Variants in PIAS1 observed in about 807,000 individuals in gnomAD.
The protein encoded by PIAS1 is E3 SUMO-protein ligase PIAS1.
A neutral mutation model predicts 71.3 loss-of-function variants in PIAS1; 6 were observed. The ratio of observed to expected loss-of-function variants is 0.08; its 90% CI spans 0.05 to 0.17. The LOEUF is 0.17. Among genes scored for constraint, PIAS1 ranks in the 10% least tolerant of loss-of-function variants. The pLI, the probability that PIAS1 is intolerant of heterozygous loss-of-function variation, is 1.00. For synonymous variants in PIAS1, 303 were observed against 292.9 expected (o/e 1.03, Z -0.35); for missense variants, 555 against 793.6 (o/e 0.70, Z 3.61).
rs1459387937 is a variant in PIAS1 at position 68,188,077 on chromosome 15, GAAAGA to G, written c.*251_*255del. The G allele has an allele frequency of 3.5e-6, 1 of 289,206 alleles. No homozygotes were observed. Among genetic ancestry groups the G allele is most frequent in the East Asian group, 5.6e-5 (1 of 18,016 alleles). 17.9% of individuals were successfully genotyped at this position (289,206 alleles called of 1,614,324 possible). A position where few individuals can be genotyped will look rare whatever the true frequency, so the allele number is the denominator to read the frequency against. The stretch of plus-strand genomic sequence containing the variant: ...AAAACACTTGTTTAAAAAAAAAAAG[GAAAGA>G]AAAGAAAAAAGAAAAACAAGCACCC... On this transcript the variant is annotated 3_prime_UTR_variant, in exon 14 of 14. Coordinates refer to ENST00000249636, the MANE Select transcript of PIAS1 (RefSeq NM_016166.3).
intron 2 of PIAS1, among the ~76,000 whole-genome samples, chr15:68,130,941 C>T (rs1169295579): frequency 6.6e-6 from 1 of 151,950 alleles, no homozygotes; most frequent in African/African-American, 2.4e-5. Context: ...CTGTTATAAG[C>T]GGTTTTATAT....
At chr15:68,163,384 A>G (rs1446584551) in intron 7 of PIAS1, among the ~76,000 whole-genome samples, 4 of 152,204 alleles carry the variant, frequency 2.6e-5, no homozygotes, top group African/African-American at 9.6e-5. Context: ...TGTGAAATAT[A>G]TTAAGACTTT....
Position 68,186,921 on chromosome 15 carries a change from C to T in PIAS1, c.1663-621C>T, listed in dbSNP as rs2176333. Reference sequence around the variant, plus strand: ...TGTGATGTTTGCACAGCCACAAAACCGCCTAATGATGCATTTCTCAAAACA... The same window carrying T: ...TGTGATGTTTGCACAGCCACAAAACTGCCTAATGATGCATTTCTCAAAACA... On this transcript the variant is annotated intron_variant, in intron 13 of 13. Transcript: ENST00000249636. This position sits in a 1 kb window ranked among gnomAD's most constrained non-coding sequence, Gnocchi z 4.4. Among the ~76,000 whole-genome samples the T allele has an allele frequency of 0.4, 61,114 of 152,122 alleles. 13,514 individuals are homozygous for T. Among genetic ancestry groups the T allele is most frequent in the East Asian group, 0.79 (4,109 of 5,182 alleles).
intron 2 of PIAS1, among the ~76,000 whole-genome samples, chr15:68,112,178 G>C (rs1309422695): frequency 6.6e-6 from 1 of 152,044 alleles, no homozygotes; most frequent in East Asian, 1.9e-4. Context: ...TCTGGTATCT[G>C]TACTGAGACC....
intron 2 of PIAS1, among the ~76,000 whole-genome samples, chr15:68,138,996 A>G (rs1595758740): frequency 6.6e-6 from 1 of 152,222 alleles, no homozygotes; most frequent in Admixed American, 6.5e-5. Context: ...TTACGGCCTC[A>G]TATATTTTGA....
rs770198322 is a variant in PIAS1, at chr15:68,086,312, G to A, written c.31G>A (p.Val11Ile). 1.4e-5 allele frequency: 22 copies of A among 1,594,594 alleles called. No individual in the cohort carries two copies. Among genetic ancestry groups the A allele is most frequent in the Admixed American group, 3.5e-5 (2 of 56,616 alleles). Reference sequence around the variant, plus strand: ...ATTTTGTTTTTTCTCTAAGCAAATGGTTATGAGCCTTAGAGTTTCTGAACT... The same window carrying A: ...ATTTTGTTTTTTCTCTAAGCAAATGATTATGAGCCTTAGAGTTTCTGAACT... Reference protein sequence around the residue: MADSAELKQMVMSLRVSELQV... With the variant: MADSAELKQMIMSLRVSELQV... The change falls in exon 2 of 14, where the codon GTT (valine) becomes ATT (isoleucine). Residue 11 changes from valine (V) to isoleucine (I), a missense_variant. Coordinates refer to ENST00000249636, the MANE Select transcript of PIAS1 (RefSeq NM_016166.3). This position sits in a 1 kb window ranked among gnomAD's most constrained non-coding sequence, Gnocchi z 7.2.
intron 2 of PIAS1, among the ~76,000 whole-genome samples, chr15:68,129,794 TACAC>T (rs67860159): frequency 0.16 from 23,469 of 144,872 alleles, 2,127 homozygotes; most frequent in East Asian, 0.26. Flanking sequence ...TAATTGTATT[TACAC>T]ACACACACAC....
In PIAS1 at chr15:68,189,472, C is replaced by T. The variant is rs2093108378; in HGVS notation, c.*1637C>T. 1.3e-5 allele frequency: 2 copies of T among 152,150 alleles called. No individual in the cohort carries two copies. Among genetic ancestry groups the T allele is most frequent in the South Asian group, 4.1e-4 (2 of 4,834 alleles). 9.4% of individuals were successfully genotyped at this position (152,150 alleles called of 1,614,324 possible). A position where few individuals can be genotyped will look rare whatever the true frequency, so the allele number is the denominator to read the frequency against. On this transcript the variant is annotated 3_prime_UTR_variant, in exon 14 of 14. Transcript: ENST00000249636. ...CTTGCATTGGTAACAAAATGATCAACTTTAATCCAGGTAGAATTCAAGATG... is the reference window on the plus strand; with the variant it reads ...CTTGCATTGGTAACAAAATGATCAATTTTAATCCAGGTAGAATTCAAGATG...
In PIAS1 at chr15:68,173,524, TTTTG is replaced by T. The variant is rs746791978; in HGVS notation, c.1009-203_1009-200del. 3.9e-5 allele frequency among the ~76,000 whole-genome samples: 6 copies of T among 152,232 alleles called. No individual in the cohort carries two copies. Among genetic ancestry groups the T allele is most frequent in the Non-Finnish European group, 7.3e-5 (5 of 68,038 alleles). On this transcript the variant is annotated intron_variant, in intron 8 of 13. Coordinates refer to ENST00000249636, the MANE Select transcript of PIAS1 (RefSeq NM_016166.3). This position sits in a 1 kb window ranked among gnomAD's most constrained non-coding sequence, Gnocchi z 4.3. ...CCTTGTTGTAGACTTTCCATAGTCA[TTTTG>T]TTTGATAGCCAAAGAAATACTGTCA... is the stretch of plus-strand genomic sequence containing the variant.
chr15:68,135,241 C>T, intron 2 of PIAS1, among the ~76,000 whole-genome samples: 1 of 34,738 alleles, frequency 2.9e-5, no homozygotes, highest in Non-Finnish European at 1.1e-4. Flanking sequence ...CGGGCGGGGG[C>T]TGACCCCCCC....
intron 2 of PIAS1, among the ~76,000 whole-genome samples, chr15:68,132,171 G>A (rs2092692586): frequency 6.6e-6 from 1 of 151,194 alleles, no homozygotes; most frequent in Non-Finnish European, 1.5e-5. Context: ...GCAGCTTTGT[G>A]GGTGATTGTT....
chr15:68,086,547 T>C lies in PIAS1; in HGVS notation c.266T>C (p.Leu89Ser), dbSNP rs1198687549. ...NVHSSPMPAT[L>S]SPSTIPQLTY... ...CATTCAAGTCCTATGCCAGCAACTT[T>C]GTCTCCATCTACCATTCCACAACTC... is the stretch of plus-strand genomic sequence containing the variant. Residue 89 changes from leucine to serine, a missense_variant, in exon 2 of 14, where the codon TTG becomes TCG. Transcript: ENST00000249636. This position sits in a 1 kb window ranked among gnomAD's most constrained non-coding sequence, Gnocchi z 7.2. 6.2e-7 allele frequency: 1 copy of C among 1,613,944 alleles called. No individual in the cohort carries two copies. The highest frequency in any genetic ancestry group is 1.7e-5 in the Admixed American group (1 of 60,000).
chr15:68,091,982 G>C (rs1437132236), intron 2 of PIAS1, among the ~76,000 whole-genome samples: 2 of 152,164 alleles, frequency 1.3e-5, no homozygotes, highest in Non-Finnish European at 2.9e-5. Context: ...TCATATAAAA[G>C]TATGGTGACT....
intron 1 of PIAS1, among the ~76,000 whole-genome samples, chr15:68,060,133 TC>T (rs1178948079): frequency 5.9e-5 from 9 of 152,202 alleles, no homozygotes; most frequent in African/African-American, 1.9e-4. Flanking sequence ...TATTTTATAA[TC>T]TATTCATACT....
At chr15:68,068,702 C>T (rs2092057866) in intron 1 of PIAS1, among the ~76,000 whole-genome samples, 1 of 151,958 alleles carries the variant, frequency 6.6e-6, no homozygotes. Flanking sequence ...TTCCACCCAC[C>T]TCAGCCTCCC....
chr15:68,086,370 A>G lies in PIAS1; in HGVS notation c.89A>G (p.Lys30Arg). The G allele has an allele frequency of 6.2e-7, 1 of 1,613,640 alleles. No individual in the cohort carries two copies. The highest frequency in any genetic ancestry group is 8.5e-7 in the Non-Finnish European group (1 of 1,179,718). Reference sequence around the variant, plus strand: ...CTGTTGGGCTACGCCGGGAGAAACAAGCACGGACGCAAACACGAACTTCTC... The same window carrying G: ...CTGTTGGGCTACGCCGGGAGAAACAGGCACGGACGCAAACACGAACTTCTC... ...QVLLGYAGRN[K>R]HGRKHELLTK... is the part of the protein sequence containing the mutation. Residue 30 changes from lysine (K) to arginine (R), a missense_variant, in exon 2 of 14, where the codon AAG (lysine) becomes AGG (arginine). Physicochemically the swap from Lys to Arg is conservative, Grantham distance 26. Transcript: ENST00000249636. This position sits in a 1 kb window ranked among gnomAD's most constrained non-coding sequence, Gnocchi z 7.2.
intron 2 of PIAS1, among the ~76,000 whole-genome samples, chr15:68,108,464 G>A (rs1457746850): frequency 1.3e-5 from 2 of 151,664 alleles, no homozygotes; most frequent in Non-Finnish European, 2.9e-5. Context: ...GTCTTTCCTC[G>A]TTCTTCCTCT....
chr15:68,055,836 C>T (rs912490253), intron 1 of PIAS1: 27 of 679,508 alleles, frequency 4.0e-5, no homozygotes, highest in Admixed American at 3.3e-4. Flanking sequence ...TAGAGTTTTT[C>T]CTGTGGAATA....
chr15:68,083,862 T>C (rs1366593311), intron 1 of PIAS1, among the ~76,000 whole-genome samples: 1 of 151,884 alleles, frequency 6.6e-6, no homozygotes, highest in Non-Finnish European at 1.5e-5. Context: ...CAAGACCCTA[T>C]CTCTTAAATA....
Sources: gnomAD v4.1 joint callset for allele counts (sites outside exome capture counted in the v4.1 genomes callset) on GRCh38, gnomAD v4.1.1 for gene constraint, Gnocchi (gnomAD v3.1) non-coding constraint, MANE v1.5 for transcripts, NCBI Gene and HGNC (gene_info 2026-07-23, HGNC 2026-07-21) for gene names.